Variants in NBPF11 observed in about 807,000 individuals in gnomAD.
NBPF11 encodes the protein NBPF member 11, also known as NBPF family member NBPF11.
Under a neutral mutation model 93.9 loss-of-function variants are expected in NBPF11, and 72 were observed. The ratio of observed to expected loss-of-function variants is 0.77; its 90% CI spans 0.63 to 0.93. NBPF11 has a LOEUF of 0.93. NBPF11 is among the 40% of genes least tolerant of loss of function. The probability of loss-of-function intolerance (pLI) is 0.00; values close to 1 mark genes in which losing one functional copy is unlikely to be tolerated. For missense variants in NBPF11, 705 were observed against 802.2 expected (o/e 0.88, Z 1.46); for synonymous variants, 224 against 304.9 (o/e 0.73, Z 2.76).
intron 1 of NBPF11, chr1:148,149,052 A>G (rs2149315219): frequency 1.2e-6 from 1 of 849,382 alleles, no homozygotes; most frequent in East Asian, 2.7e-5. Context: ...GACTTGGCTG[A>G]GTGGGGAGAC....
intron 2 of NBPF11, among the ~76,000 whole-genome samples, chr1:148,138,770 A>G (rs1671741844): frequency 3.3e-5 from 5 of 151,850 alleles, no homozygotes; most frequent in Admixed American, 2.6e-4. Context: ...CTACACAGAC[A>G]CAGTAACAAT....
In NBPF11 at chr1:148,122,686, A is replaced by G. The variant is rs1553271879; in HGVS notation, c.566+43T>C. ...GAGGGCGTGCCTCCTAGACATTTTC[A>G]TATGTTACCACCCATTACTTGCTCC... On this transcript the variant is annotated intron_variant, in intron 8 of 23. Transcript: ENST00000682118. 35 of 1,604,760 alleles carry G rather than the reference A, an allele frequency of 2.2e-5. 1 individual carries two copies. In the South Asian group the frequency reaches 3.6e-4, roughly 17 times the overall value.
intron 4 of NBPF11, 21 bp from the exon 5 acceptor site, chr1:148,127,059 CAT>C: frequency 3.7e-6 from 2 of 545,996 alleles, no homozygotes; most frequent in Non-Finnish European, 6.3e-6. Flanking sequence ...GAAACCCAAA[CAT>C]ATGATGGGTT....
At chr1:148,146,360 G>T (rs2149306156) in intron 1 of NBPF11, 7 of 1,499,170 alleles carry the variant, frequency 4.7e-6, no homozygotes, top group South Asian at 1.3e-5. Context: ...GTTGGCGGGG[G>T]CCCCGGTGGA....
intron 17 of NBPF11, among the ~76,000 whole-genome samples, chr1:148,108,866 C>G (rs1365162054): frequency 6.7e-6 from 1 of 149,804 alleles, no homozygotes; most frequent in Non-Finnish European, 1.5e-5. Context: ...CACACACACA[C>G]ACACACACAC....
chr1:148,132,820 C>T (rs1449266958), intron 4 of NBPF11, among the ~76,000 whole-genome samples: 9 of 93,308 alleles, frequency 9.6e-5, no homozygotes, highest in South Asian at 1.0e-3. Context: ...GATGCGATCT[C>T]GGCTCACTGT....
chr1:148,125,762 C>G (rs1553272904), intron 5 of NBPF11, among the ~76,000 whole-genome samples: 1 of 151,260 alleles, frequency 6.6e-6, no homozygotes, highest in Admixed American at 6.6e-5. Context: ...CAGAGGTAGG[C>G]ATTATTGTAG....
In NBPF11 at chr1:148,141,371, T is replaced by C. The variant is rs1381615269; in HGVS notation, c.-277+2044A>G. Among the ~76,000 whole-genome samples, 38 of 152,176 alleles carry C rather than the reference T, an allele frequency of 2.5e-4. 2 individuals are homozygous for C. Among genetic ancestry groups the C allele is most frequent in the African/African-American group, 8.5e-4 (35 of 41,420 alleles). On this transcript the variant is annotated intron_variant, in intron 2 of 23. Coordinates refer to ENST00000682118, the MANE Select transcript of NBPF11 (RefSeq NM_001385469.3). ...GGACCACACTAATACAACATACTAA[T>C]AGGGGAAATTGTGTGCTGGAGGACA...
Position 148,120,822 on chromosome 1 carries a change from T to A in NBPF11, c.779-112A>T, listed in dbSNP as rs1271120689. 59 of 868,340 alleles carry A rather than the reference T, an allele frequency of 6.8e-5. 2 individuals are homozygous for A. In the African/African-American group the frequency reaches 8.6e-4, roughly 13 times the overall value. 53.8% of individuals were successfully genotyped at this position (868,340 alleles called of 1,614,324 possible). On this transcript the variant is annotated intron_variant, in intron 9 of 23. Coordinates refer to ENST00000682118, the MANE Select transcript of NBPF11 (RefSeq NM_001385469.3). The stretch of plus-strand genomic sequence containing the variant: ...GCCTTGTTTACTTATTTGAAGATGT[T>A]GTTTCCCTGGTTTCACTCTTGTCAT...
chr1:148,125,947 T>G (rs1385217672), intron 5 of NBPF11, among the ~76,000 whole-genome samples: 2 of 151,986 alleles, frequency 1.3e-5, no homozygotes, highest in African/African-American at 4.8e-5. Flanking sequence ...GGAAGCAGAC[T>G]TCACTCTCAC....
At chr1:148,119,393 A>T (rs1420775381) in intron 10 of NBPF11, among the ~76,000 whole-genome samples, 2 of 152,170 alleles carry the variant, frequency 1.3e-5, no homozygotes, top group Middle Eastern at 3.4e-3. Flanking sequence ...GAAATAGCTC[A>T]TGTAATTCAC....
intron 18 of NBPF11, 61 bp downstream of exon 18, chr1:148,108,421 G>A (rs1381584912): frequency 1.0e-4 from 112 of 1,087,620 alleles, no homozygotes; most frequent in Non-Finnish European, 1.5e-4. Context: ...CTTGCAGTAG[G>A]AATATGACCC....
chr1:148,150,104 C>T, intron 1 of NBPF11, among the ~76,000 whole-genome samples: 1 of 150,680 alleles, frequency 6.6e-6, no homozygotes, highest in Non-Finnish European at 1.5e-5. Context: ...TAGTAATGTT[C>T]TATTTCTTAA....
chr1:148,104,701 A>G, intron 22 of NBPF11, 56 bp from the exon 23 acceptor site: 6 of 384,210 alleles, frequency 1.6e-5, no homozygotes, highest in South Asian at 1.4e-4. Flanking sequence ...TACACACATA[A>G]CAATCCACTG....
intron 6 of NBPF11, among the ~76,000 whole-genome samples, chr1:148,124,466 G>A (rs1374241160): frequency 2.7e-5 from 4 of 149,196 alleles, no homozygotes; most frequent in Non-Finnish European, 4.4e-5. Flanking sequence ...CAGATGGGGC[G>A]AATTGAAAAG....
chr1:148,121,624 G>A (rs1455604477), intron 9 of NBPF11, among the ~76,000 whole-genome samples: 60 of 151,754 alleles, frequency 4.0e-4, no homozygotes, highest in Middle Eastern at 3.4e-3. Flanking sequence ...CAAAGTGCTC[G>A]GATTACAGGT....
At chr1:148,120,043 G>C (rs1667471356) in intron 10 of NBPF11, among the ~76,000 whole-genome samples, 1 of 151,450 alleles carries the variant, frequency 6.6e-6, no homozygotes, top group Non-Finnish European at 1.5e-5. Context: ...AGCGGGTACT[G>C]GCTACTATCA....
At chr1:148,149,972 G>A (rs1485854295) in intron 1 of NBPF11, among the ~76,000 whole-genome samples, 1 of 151,576 alleles carries the variant, frequency 6.6e-6, no homozygotes, top group Non-Finnish European at 1.5e-5. Flanking sequence ...GGGGTAACTG[G>A]AATATTCCCT....
At chr1:148,124,267 G>T (rs1341190444) in intron 6 of NBPF11, among the ~76,000 whole-genome samples, 200 bp from the exon 7 acceptor site, 1 of 151,900 alleles carries the variant, frequency 6.6e-6, no homozygotes, top group Non-Finnish European at 1.5e-5. Context: ...GAGGGCTCCT[G>T]CAAGATCCTC....
Sources: gnomAD v4.1 joint callset for allele counts (sites outside exome capture counted in the v4.1 genomes callset) on GRCh38, gnomAD v4.1.1 for gene constraint, MANE v1.5 for transcripts, NCBI Gene and HGNC (gene_info 2026-07-23, HGNC 2026-07-21) for gene names.